RARG: variants seen among roughly 807,000 people sequenced by gnomAD.
RARG encodes the protein retinoic acid receptor gamma.
Under a neutral mutation model 43.7 loss-of-function variants are expected in RARG, and 17 were observed. That is an observed-to-expected ratio of 0.39 (90% CI 0.27 to 0.58). The LOEUF (loss-of-function observed/expected upper bound fraction) is 0.58, where lower values mean the gene tolerates loss of function less well. Among genes scored for constraint, RARG ranks in the 20% least tolerant of loss-of-function variants. The probability of loss-of-function intolerance (pLI) is 0.57; values close to 1 mark genes in which losing one functional copy is unlikely to be tolerated. For missense variants in RARG, 346 were observed against 598.7 expected, an observed-to-expected ratio of 0.58 and a Z score of 4.40; for synonymous variants, 238 against 236.4, an observed-to-expected ratio of 1.01 and a Z score of -0.06.
At position 53,220,470 on chromosome 12, in the gene RARG, T is replaced by C. The variant is rs542420286; in HGVS notation, c.185-4676A>G. 136 of 552,270 alleles carry C rather than the reference T, an allele frequency of 2.5e-4. 1 individual carries two copies. In the East Asian group the frequency reaches 5.3e-3, roughly 22 times the overall value. 34.2% of individuals were successfully genotyped at this position (552,270 alleles called of 1,614,324 possible). ...CAAAGCTGAGAGTGGAGCGCACACA[T>C]ACACATACGTACACTCGCTCCGCGG... On this transcript the variant is annotated intron_variant, in intron 3 of 9. Transcript: ENST00000425354.
intron 3 of RARG, chr12:53,220,371 C>G: frequency 1.7e-6 from 2 of 1,177,004 alleles, no homozygotes; most frequent in East Asian, 3.3e-5. Flanking sequence ...CTGGGGAGAC[C>G]TTTTTTAAAA....
intron 2 of RARG, among the ~76,000 whole-genome samples, chr12:53,230,568 A>T (rs1190098476): frequency 3.9e-5 from 6 of 152,104 alleles, no homozygotes; most frequent in African/African-American, 1.4e-4. Flanking sequence ...GCATTGTGCC[A>T]TCCCTGGGGG....
rs1394205389 is a variant in RARG, at chr12:53,227,848, G to A, written c.-142-161C>T. On this transcript the variant is annotated intron_variant, in intron 2 of 9. Transcript: ENST00000425354. The surrounding 1 kb of genome is among the most constrained non-coding windows in gnomAD (Gnocchi z 4.3). ...AGTGTGGTAGAGAGGGCACGGCAGG[G>A]GGTTATGCAGGCTCTGAGAAACTCT... Among the ~76,000 whole-genome samples the A allele has an allele frequency of 6.6e-6, 1 of 152,198 alleles. No homozygotes were observed. Among genetic ancestry groups the A allele is most frequent in the Non-Finnish European group, 1.5e-5 (1 of 68,024 alleles).
chr12:53,217,060 C>A (rs989820751), intron 3 of RARG, among the ~76,000 whole-genome samples: 3 of 152,120 alleles, frequency 2.0e-5, no homozygotes, highest in African/African-American at 7.2e-5. Context: ...CGCCCCAACG[C>A]AGCCAGAAGG....
At position 53,220,053 on chromosome 12, in the gene RARG, G is replaced by A. The variant is rs530364180; in HGVS notation, c.185-4259C>T. 1.4e-4 allele frequency: 217 copies of A among 1,548,922 alleles called. 1 individual carries two copies. In the African/African-American group the frequency reaches 2.9e-3, roughly 21 times the overall value. On this transcript the variant is annotated intron_variant, in intron 3 of 9. Transcript: ENST00000425354. ...AGCCGGCCCCGGGCCCGGCCGCCCC[G>A]TACAGCCGTCGCGGACCCGGGGCAA...
Position 53,213,212 on chromosome 12 carries a change from C to A in RARG, c.1050G>T (p.Val350=). ...CCAGCAGTGGCTCCTGCAGCTTGTC[C>A]ACTTTTTCGGGCTCCTCCAGGTCCA... ...DRMDLEEPEK[V]DKLQEPLLEA... is the part of the protein sequence containing the mutation. Residue 350 remains valine (V), a synonymous_variant, in exon 9 of 10, where the codon GTG becomes GTT. Coordinates refer to ENST00000425354, the MANE Select transcript of RARG (RefSeq NM_000966.6). This position sits in a 1 kb window ranked among gnomAD's most constrained non-coding sequence, Gnocchi z 4.7. 6.2e-7 allele frequency: 1 copy of A among 1,604,018 alleles called. No homozygotes were observed. Among genetic ancestry groups the A allele is most frequent in the East Asian group, 2.2e-5 (1 of 44,822 alleles).
At position 53,210,662 on chromosome 12, in the gene RARG, A is replaced by G. The variant is rs1436304038; in HGVS notation, c.*1014T>C. ...GAGATGTAAACAGAGGGGAGGGGACAGCACCCTGACCCCCCAAGAGAACAC... is the reference window on the plus strand; with the variant it reads ...GAGATGTAAACAGAGGGGAGGGGACGGCACCCTGACCCCCCAAGAGAACAC... On this transcript the variant is annotated 3_prime_UTR_variant, in exon 10 of 10. Transcript: ENST00000425354. 1 of 152,658 alleles carries G rather than the reference A, an allele frequency of 6.6e-6. No individual in the cohort carries two copies. Among genetic ancestry groups the G allele is most frequent in the Non-Finnish European group, 1.5e-5 (1 of 68,042 alleles). The allele number at this position is 152,658 out of a possible 1,614,324, so 9.5% of individuals were successfully genotyped here.
At chr12:53,220,283 G>C in intron 3 of RARG, 2 of 1,339,256 alleles carry the variant, frequency 1.5e-6, no homozygotes, top group African/African-American at 3.0e-5. Flanking sequence ...CAGGGGAAAG[G>C]GACTGGGCGG....
At chr12:53,219,901 C>T in intron 3 of RARG, 1 of 1,428,236 alleles carries the variant, frequency 7.0e-7, no homozygotes. Context: ...AAGAGTAAAT[C>T]CCACCCTCTC....
chr12:53,227,306 T>C lies in RARG; in HGVS notation c.184+56A>G, dbSNP rs1943131752. The stretch of plus-strand genomic sequence containing the variant: ...GTGCCAACTCTTTTACCATCCACCC[T>C]CCTGATGCCTTCTTGTTAACATTTG... On this transcript the variant is annotated intron_variant, in intron 3 of 9. Transcript: ENST00000425354. The surrounding 1 kb of genome is among the most constrained non-coding windows in gnomAD (Gnocchi z 4.3). The C allele has an allele frequency of 6.8e-7, 1 of 1,471,894 alleles. No individual in the cohort carries two copies. The highest frequency in any genetic ancestry group is 1.4e-5 in the African/African-American group (1 of 69,956). 91.2% of individuals were successfully genotyped at this position (1,471,894 alleles called of 1,614,324 possible).
intron 9 of RARG, 118 bp downstream of exon 9, chr12:53,212,967 C>A (rs1344955496): frequency 1.6e-6 from 2 of 1,243,974 alleles, no homozygotes; most frequent in African/African-American, 3.0e-5. Context: ...AGCTAGGATT[C>A]CAGTGTAGAT....
In RARG at chr12:53,220,071, C is replaced by T. The variant is rs1465338352; in HGVS notation, c.185-4277G>A. On this transcript the variant is annotated intron_variant, in intron 3 of 9. Transcript: ENST00000425354. ...CCGCCCCGTACAGCCGTCGCGGACC[C>T]GGGGCAAACGTTTCCATACAGTCGT... is the stretch of plus-strand genomic sequence containing the variant. The T allele has an allele frequency of 6.5e-6, 10 of 1,549,020 alleles. No individual in the cohort carries two copies. The East Asian group carries it at 2.0e-4, about 30-fold the overall frequency.
intron 9 of RARG, among the ~76,000 whole-genome samples, chr12:53,212,737 T>TATACACAC (rs1272930364): frequency 3.4e-4 from 45 of 133,762 alleles, no homozygotes; most frequent in South Asian, 2.6e-3. Flanking sequence ...AATATATATA[T>TATACACAC]ACACACACAC....
chr12:53,211,761 G>T lies in RARG; in HGVS notation c.1280C>A (p.Ser427Ter). 6.4e-7 allele frequency: 1 copy of T among 1,567,914 alleles called. No individual in the cohort carries two copies. The highest frequency in any genetic ancestry group is 8.6e-7 in the Non-Finnish European group (1 of 1,157,804). The change falls in exon 10 of 10, where the codon TCG becomes TAG. Residue 427 changes from serine (S) to a stop codon, truncating the protein, a stop_gained. Coordinates refer to ENST00000425354, the MANE Select transcript of RARG (RefSeq NM_000966.6). LOFTEE classifies it high-confidence loss of function. The surrounding 1 kb of genome is among the most constrained non-coding windows in gnomAD (Gnocchi z 4.6). ...GGCATTGGGGTGGGGACCAGGCTGC[G>T]AGGAGTCATCCTCAAACATTTCAGG... ...ENPEMFEDDS[S>*]QPGPHPNASS...
intron 2 of RARG, among the ~76,000 whole-genome samples, chr12:53,228,092 T>A (rs1051471142): frequency 6.6e-6 from 1 of 152,334 alleles, no homozygotes; most frequent in East Asian, 1.9e-4. Context: ...TAAGGTCACA[T>A]GGCTGCAAGT....
chr12:53,224,416 T>C (rs1943059935), intron 3 of RARG, among the ~76,000 whole-genome samples: 1 of 152,162 alleles, frequency 6.6e-6, no homozygotes, highest in African/African-American at 2.4e-5. Flanking sequence ...AATGTGTGTG[T>C]GTCATCCATA....
At chr12:53,212,070 A>T (rs1047718864) in intron 9 of RARG, among the ~76,000 whole-genome samples, 1 of 152,130 alleles carries the variant, frequency 6.6e-6, no homozygotes, top group African/African-American at 2.4e-5. Context: ...GGCCTTCTCT[A>T]CCAGGCTTGC....
chr12:53,220,115 A>G, intron 3 of RARG: 1 of 1,549,856 alleles, frequency 6.5e-7, no homozygotes, highest in Non-Finnish European at 8.7e-7. Flanking sequence ...ACCCGGCTTG[A>G]AGGGAAACTG....
chr12:53,219,980 A>AAGATTC, intron 3 of RARG: 1 of 1,519,552 alleles, frequency 6.6e-7, no homozygotes, highest in East Asian at 2.5e-5. Context: ...GGCCAGGCAA[A>AAGATTC]AGATTCAAGT....
Sources: allele counts gnomAD v4.1 joint callset (sites outside exome capture counted in the v4.1 genomes callset), GRCh38; gene constraint gnomAD v4.1.1; non-coding constraint Gnocchi (gnomAD v3.1); transcripts MANE v1.5; gene names NCBI Gene and HGNC (gene_info 2026-07-23, HGNC 2026-07-21).